NRXN3: variants seen among roughly 807,000 people sequenced by gnomAD.
NRXN3 encodes the protein neurexin 3.
In NRXN3, 32 loss-of-function variants were observed where a neutral mutation model predicts 137.6. The ratio of observed to expected loss-of-function variants is 0.23; its 90% CI spans 0.18 to 0.31. The LOEUF is 0.31. NRXN3 is among the 10% of genes least tolerant of loss of function. The probability of loss-of-function intolerance (pLI) is 1.00; values close to 1 mark genes in which losing one functional copy is unlikely to be tolerated. For missense variants in NRXN3, 1,574 were observed against 2,062.5 expected, an observed-to-expected ratio of 0.76 and a Z score of 4.59; for synonymous variants, 798 against 784.5, an observed-to-expected ratio of 1.02 and a Z score of -0.29.
chr14:79,144,844 T>G (rs1189282213), intron 15 of NRXN3, among the ~76,000 whole-genome samples: 1 of 152,126 alleles, frequency 6.6e-6, no homozygotes, highest in Non-Finnish European at 1.5e-5. Flanking sequence ...CTTCCTTCTT[T>G]CCATCATTCT....
At chr14:79,176,962 GATAA>G (rs2062407310) in intron 15 of NRXN3, among the ~76,000 whole-genome samples, 1 of 152,194 alleles carries the variant, frequency 6.6e-6, no homozygotes, top group Non-Finnish European at 1.5e-5. Flanking sequence ...TGGACTAGGT[GATAA>G]ATGAATGATG....
intron 1 of NRXN3, among the ~76,000 whole-genome samples, chr14:78,192,635 G>C (rs865843416): frequency 2.6e-5 from 4 of 152,102 alleles, no homozygotes; most frequent in African/African-American, 9.7e-5. Flanking sequence ...TTGGATATGA[G>C]GATGAGGGAG....
chr14:79,304,841 CTT>C (rs983484679), intron 15 of NRXN3, among the ~76,000 whole-genome samples: 4 of 152,088 alleles, frequency 2.6e-5, no homozygotes, highest in Non-Finnish European at 5.9e-5. Flanking sequence ...TTTAACACCT[CTT>C]AACACCACGC....
At chr14:79,423,110 C>T (rs1005731574) in intron 15 of NRXN3, among the ~76,000 whole-genome samples, 9 of 152,008 alleles carry the variant, frequency 5.9e-5, no homozygotes, top group South Asian at 2.1e-4. Flanking sequence ...GAATGAACAC[C>T]GAAGATGTCT....
At chr14:79,654,443 A>G (rs763859157) in intron 16 of NRXN3, among the ~76,000 whole-genome samples, 11 of 152,234 alleles carry the variant, frequency 7.2e-5, no homozygotes, top group Admixed American at 1.3e-4. Context: ...TGTAGGCCAC[A>G]TGATCTCTGT....
chr14:79,613,535 T>C (rs958506019), intron 16 of NRXN3, among the ~76,000 whole-genome samples: 12 of 152,194 alleles, frequency 7.9e-5, no homozygotes, highest in African/African-American at 2.7e-4. Context: ...AATAGATAAC[T>C]CACATTAGCA....
chr14:78,249,172 A>G (rs537000323), intron 2 of NRXN3, among the ~76,000 whole-genome samples: 2 of 152,198 alleles, frequency 1.3e-5, no homozygotes, highest in African/African-American at 4.8e-5. Flanking sequence ...TCCCCCTTCA[A>G]TGAGGTGAAA....
At chr14:79,552,258 T>C (rs1277423488) in intron 16 of NRXN3, among the ~76,000 whole-genome samples, 4 of 152,240 alleles carry the variant, frequency 2.6e-5, no homozygotes, top group Non-Finnish European at 5.9e-5. Flanking sequence ...TGACAGAAAA[T>C]GTTTAATGTC....
At chr14:79,709,961 G>A (rs2098796810) in intron 19 of NRXN3, among the ~76,000 whole-genome samples, 1 of 152,054 alleles carries the variant, frequency 6.6e-6, no homozygotes, top group Admixed American at 6.6e-5. Flanking sequence ...TTTGAAAGCA[G>A]GTTTTATGAG....
At chr14:79,097,772 C>G (rs1037875886) in intron 15 of NRXN3, among the ~76,000 whole-genome samples, 1 of 152,086 alleles carries the variant, frequency 6.6e-6, no homozygotes, top group Non-Finnish European at 1.5e-5. Flanking sequence ...ATGTAGTATT[C>G]CCCTGCAACT....
intron 4 of NRXN3, among the ~76,000 whole-genome samples, chr14:78,324,773 CA>C (rs2079840317): frequency 6.6e-6 from 1 of 152,006 alleles, no homozygotes; most frequent in South Asian, 2.1e-4. Flanking sequence ...GAAATTAATT[CA>C]AGCTGGCCAG....
intron 15 of NRXN3, among the ~76,000 whole-genome samples, chr14:79,259,279 G>A (rs1285574183): frequency 6.6e-6 from 1 of 152,136 alleles, no homozygotes; most frequent in African/African-American, 2.4e-5. Context: ...CTTATCTGCT[G>A]TTTACAGCTA....
At chr14:79,836,952 T>G (rs1400815572) in intron 20 of NRXN3, among the ~76,000 whole-genome samples, 2 of 152,192 alleles carry the variant, frequency 1.3e-5, no homozygotes, top group African/African-American at 4.8e-5. Flanking sequence ...CATCCTTGAA[T>G]GCTAGACTCC....
chr14:78,973,802 C>T (rs2099453359), intron 14 of NRXN3, among the ~76,000 whole-genome samples: 1 of 152,132 alleles, frequency 6.6e-6, no homozygotes, highest in African/African-American at 2.4e-5. Flanking sequence ...GACTGAGCCT[C>T]ATGACCTCTG....
intron 15 of NRXN3, among the ~76,000 whole-genome samples, chr14:79,113,998 G>T (rs989127613): frequency 2.0e-5 from 3 of 152,178 alleles, no homozygotes; most frequent in African/African-American, 7.2e-5. Flanking sequence ...GAGTGCTTCA[G>T]TTGACTTTTA....
chr14:79,067,672 C>T (rs2099682485), intron 15 of NRXN3, among the ~76,000 whole-genome samples: 1 of 151,960 alleles, frequency 6.6e-6, no homozygotes, highest in African/African-American at 2.4e-5. Flanking sequence ...CAGTATTTTT[C>T]CTGGTTCAAA....
chr14:79,364,609 T>A (rs1275317611), intron 15 of NRXN3, among the ~76,000 whole-genome samples: 4 of 152,228 alleles, frequency 2.6e-5, no homozygotes, highest in Admixed American at 2.6e-4. Flanking sequence ...AATTAGGCAG[T>A]CTCTTTGCAA....
rs139403848 is a variant in NRXN3 at position 78,462,645 on chromosome 14, T to C, written c.757+164785T>C. Among the ~76,000 whole-genome samples the C allele has an allele frequency of 7.3e-3, 1,107 of 152,324 alleles. 22 individuals carry two copies. The highest frequency in any genetic ancestry group is 0.025 in the African/African-American group (1,045 of 41,566). ...AATTCATGCTTTGTTGGTTTTCCTC[T>C]TTATTCTACTTTCATTGTTACATAT... is the stretch of plus-strand genomic sequence containing the variant. On this transcript the variant is annotated intron_variant, in intron 4 of 20. Transcript: ENST00000335750.
At chr14:79,653,507 C>T (rs116355913) in intron 16 of NRXN3, among the ~76,000 whole-genome samples, 2,246 of 152,210 alleles carry the variant, frequency 0.015, 52 homozygotes, top group African/African-American at 0.05. Flanking sequence ...TCCTCCATTA[C>T]CAGACTATTC....
Sources: allele counts gnomAD v4.1 joint callset (sites outside exome capture counted in the v4.1 genomes callset), GRCh38; gene constraint gnomAD v4.1.1; transcripts MANE v1.5; gene names NCBI Gene and HGNC (gene_info 2026-07-23, HGNC 2026-07-21).